Variants in POLN observed in about 807,000 individuals in gnomAD.
The protein encoded by POLN is DNA polymerase nu, also known as DNA polymerase N.
Under a neutral mutation model 113.5 loss-of-function variants are expected in POLN, and 108 were observed. That is an observed-to-expected ratio of 0.95 (90% CI 0.81 to 1.12). POLN has a LOEUF of 1.12. POLN is among the 50% of genes most tolerant of loss of function. The pLI is 0.00. For synonymous variants in POLN, 386 were observed against 391.5 expected, an observed-to-expected ratio of 0.99 and a Z score of 0.17; for missense variants, 1,097 against 1,077.1, an observed-to-expected ratio of 1.02 and a Z score of -0.26.
chr4:2,201,467 G>A (rs1374240197), intron 5 of POLN, among the ~76,000 whole-genome samples: 2 of 151,030 alleles, frequency 1.3e-5, no homozygotes, highest in Non-Finnish European at 2.9e-5. Flanking sequence ...TCAAAGACAA[G>A]GTTTTCAAAT....
intron 16 of POLN, among the ~76,000 whole-genome samples, chr4:2,143,325 G>A (rs1172104500): frequency 6.6e-6 from 1 of 151,972 alleles, no homozygotes; most frequent in African/African-American, 2.4e-5. Context: ...AGAAAAAACA[G>A]AGAAGACACA....
chr4:2,241,440 A>T (rs1315662683), intron 2 of POLN, 80 bp downstream of exon 2: 1 of 948,192 alleles, frequency 1.1e-6, no homozygotes, highest in Non-Finnish European at 1.3e-6. Flanking sequence ...GAGGCTAGGC[A>T]GCCTCTCTTC....
chr4:2,134,557 G>A (rs149024838), intron 16 of POLN, among the ~76,000 whole-genome samples: 13 of 152,234 alleles, frequency 8.5e-5, no homozygotes, highest in South Asian at 4.1e-4. Context: ...GATCTTAGTC[G>A]TTCTAATAGG....
At chr4:2,131,176 C>T (rs1278168858) in intron 17 of POLN, 57 bp downstream of exon 17, 6 of 1,261,310 alleles carry the variant, frequency 4.8e-6, no homozygotes, top group East Asian at 2.4e-5. Flanking sequence ...CAGAGTGACA[C>T]CCTATCTCAA....
At chr4:2,085,158 G>A (rs1213397340) in intron 21 of POLN, among the ~76,000 whole-genome samples, 1 of 152,086 alleles carries the variant, frequency 6.6e-6, no homozygotes, top group African/African-American at 2.4e-5. Flanking sequence ...TAGGTAGGTG[G>A]AAGGATGGCT....
At chr4:2,232,024 A>C (rs1197292603) in intron 2 of POLN, 5 of 1,511,470 alleles carry the variant, frequency 3.3e-6, no homozygotes. Flanking sequence ...ATATACATAG[A>C]ATTCTCTTTC....
chr4:2,171,142 C>T lies in POLN; in HGVS notation c.1414G>A (p.Ala472Thr), dbSNP rs773283983. The T allele has an allele frequency of 1.2e-6, 2 of 1,613,612 alleles. No individual in the cohort carries two copies. The highest frequency in any genetic ancestry group is 3.3e-5 in the Admixed American group (2 of 59,920). The change falls in exon 12 of 26, where the codon GCA (alanine) becomes ACA (threonine). Residue 472 changes from alanine to threonine, a missense_variant. Transcript: ENST00000511885. ...CTCGTTATAAGAAACCGTTCTCCTG[C>T]AACAAAATGAGCTTCTTGCTCCAAT... ...KELEQEAHFV[A>T]GERFLITSNN...
At chr4:2,181,385 A>G (rs1733137798) in intron 7 of POLN, among the ~76,000 whole-genome samples, 1 of 152,102 alleles carries the variant, frequency 6.6e-6, no homozygotes, top group Admixed American at 6.6e-5. Flanking sequence ...ACCTCAGTTG[A>G]TCTGCCCACC....
intron 23 of POLN, 114 bp downstream of exon 23, chr4:2,080,844 G>C: frequency 6.3e-7 from 1 of 1,582,414 alleles, no homozygotes. Flanking sequence ...CTCAGGAGGG[G>C]ACGGGGGCCC....
At chr4:2,212,781 G>A (rs1734024165) in intron 4 of POLN, among the ~76,000 whole-genome samples, 1 of 152,066 alleles carries the variant, frequency 6.6e-6, no homozygotes, top group Non-Finnish European at 1.5e-5. Context: ...TCAACACCCA[G>A]GAGGGCAAAA....
At chr4:2,239,287 ATCT>A (rs1218730947) in intron 2 of POLN, among the ~76,000 whole-genome samples, 1 of 152,192 alleles carries the variant, frequency 6.6e-6, no homozygotes, top group Admixed American at 6.5e-5. Flanking sequence ...CAAAATAGAG[ATCT>A]TATTATACTT....
At chr4:2,241,212 T>C (rs1393503620) in intron 2 of POLN, 5 of 355,516 alleles carry the variant, frequency 1.4e-5, no homozygotes, top group Non-Finnish European at 2.5e-5. Context: ...TAGTCGTAGC[T>C]GCAATGTTTG....
intron 24 of POLN, 49 bp from the exon 25 acceptor site, chr4:2,073,078 G>C (rs1196538861): frequency 1.6e-5 from 26 of 1,583,716 alleles, no homozygotes; most frequent in Non-Finnish European, 2.2e-5. Context: ...TGGCCTTGGG[G>C]CCTGGGAGCC....
chr4:2,094,454 C>T (rs1261938960), intron 20 of POLN, among the ~76,000 whole-genome samples: 1 of 152,088 alleles, frequency 6.6e-6, no homozygotes, highest in Non-Finnish European at 1.5e-5. Context: ...CAGCCAACAC[C>T]CTGACTGCAG....
chr4:2,081,108 T>C, intron 22 of POLN, 72 bp from the exon 23 acceptor site: 2 of 1,609,772 alleles, frequency 1.2e-6, no homozygotes, highest in South Asian at 2.2e-5. Context: ...TTCTGCACCA[T>C]CGCCACAGCT....
chr4:2,161,405 G>C (rs1412003279), intron 13 of POLN, among the ~76,000 whole-genome samples: 4 of 152,264 alleles, frequency 2.6e-5, no homozygotes, highest in African/African-American at 9.6e-5. Flanking sequence ...GAGGGGCTTA[G>C]CACCCAGGCC....
chr4:2,078,305 G>T (rs1730324282), intron 23 of POLN, among the ~76,000 whole-genome samples: 1 of 152,202 alleles, frequency 6.6e-6, no homozygotes, highest in Admixed American at 6.5e-5. Flanking sequence ...CTGGCCACCG[G>T]CCTCCTGCTC....
chr4:2,240,685 C>A, intron 2 of POLN: 1 of 1,614,008 alleles, frequency 6.2e-7, no homozygotes, highest in African/African-American at 1.3e-5. Flanking sequence ...GTCTTCAAAT[C>A]AGAAGTTTTA....
intron 16 of POLN, among the ~76,000 whole-genome samples, chr4:2,135,307 T>C (rs889063553): frequency 1.3e-5 from 2 of 152,194 alleles, no homozygotes; most frequent in Admixed American, 6.5e-5. Flanking sequence ...GTGTTTCTTC[T>C]GTAACCAACC....
Sources: allele counts gnomAD v4.1 joint callset (sites outside exome capture counted in the v4.1 genomes callset), GRCh38; gene constraint gnomAD v4.1.1; transcripts MANE v1.5; gene names NCBI Gene and HGNC (gene_info 2026-07-23, HGNC 2026-07-21).